The following ESCO2 variants were observed in gnomAD, a reference collection of about 807,000 sequenced individuals.
ESCO2 encodes the protein N-acetyltransferase ESCO2.
Under a neutral mutation model 61.7 loss-of-function variants are expected in ESCO2, and 51 were observed. The ratio of observed to expected loss-of-function variants is 0.83; its 90% CI spans 0.66 to 1.04. The LOEUF (loss-of-function observed/expected upper bound fraction) is 1.04. Among genes scored for constraint, ESCO2 ranks in the 50% least tolerant of loss-of-function variants. The probability of loss-of-function intolerance (pLI) is 0.00; values close to 1 mark genes in which losing one functional copy is unlikely to be tolerated. For synonymous variants in ESCO2, 230 were observed against 238.2 expected (o/e 0.97, Z 0.32); for missense variants, 692 against 686.2 (o/e 1.01, Z -0.09).
At position 27,780,155 on chromosome 8, in the gene ESCO2, T is replaced by A. The variant is rs1804891444; in HGVS notation, c.862-19T>A. The stretch of plus-strand genomic sequence containing the variant: ...TAAAAATTACAGATGTTTGGTTTTT[T>A]TTTTAAACCTATTTTCAGGATTCAT... On this transcript the variant is annotated intron_variant, in intron 3 of 10. Coordinates refer to ENST00000305188, the MANE Select transcript of ESCO2 (RefSeq NM_001017420.3). 6.7e-7 allele frequency: 1 copy of A among 1,486,120 alleles called. No individual in the cohort carries two copies. Among genetic ancestry groups the A allele is most frequent in the African/African-American group, 1.4e-5 (1 of 72,032 alleles). 92.1% of individuals were successfully genotyped at this position (1,486,120 alleles called of 1,614,324 possible). A position where few individuals can be genotyped will look rare whatever the true frequency, so the allele number is the denominator to read the frequency against.
downstream of ESCO2, among the ~76,000 whole-genome samples, chr8:27,808,678 C>T (rs1403542899): frequency 6.3e-5 from 5 of 79,366 alleles, no homozygotes; most frequent in Admixed American, 1.6e-4. Context: ...GAGCAAGACC[C>T]TGTCTCAAAA....
chr8:27,786,271 T>C lies in ESCO2; in HGVS notation c.1014-1614T>C, dbSNP rs114009212. Among the ~76,000 whole-genome samples, 1,404 of 152,298 alleles carry C rather than the reference T, an allele frequency of 9.2e-3. 25 individuals are homozygous for C. The highest frequency in any genetic ancestry group is 0.032 in the African/African-American group (1,339 of 41,552). ...TAAAGAAGGGGTCGGGAGCTCCTGC[T>C]AGTGAGCAAGGGCCCTGAGCTTTTA... is the stretch of plus-strand genomic sequence containing the variant. On this transcript the variant is annotated intron_variant, in intron 5 of 10. Coordinates refer to ENST00000305188, the MANE Select transcript of ESCO2 (RefSeq NM_001017420.3).
intron 3 of ESCO2, chr8:27,777,735 TA>T (rs1023414261): frequency 6.6e-6 from 1 of 152,434 alleles, no homozygotes; most frequent in African/African-American, 2.4e-5. Flanking sequence ...GTGGGGCAGC[TA>T]GGGGCAGAAA....
downstream of ESCO2, chr8:27,808,160 TA>T: frequency 9.8e-7 from 1 of 1,022,508 alleles, no homozygotes. Context: ...TTGTCTAGTT[TA>T]AAATCCTTTC....
At chr8:27,774,999 T>C (rs1200311944) in intron 1 of ESCO2, among the ~76,000 whole-genome samples, 1 of 152,176 alleles carries the variant, frequency 6.6e-6, no homozygotes, top group Non-Finnish European at 1.5e-5. Flanking sequence ...GAAATAACGC[T>C]TGTGTGCTGC....
rs577744103 is a variant in ESCO2 at position 27,776,492 on chromosome 8, A to G, written c.184A>G (p.Thr62Ala). The G allele has an allele frequency of 1.9e-6, 3 of 1,613,508 alleles. No homozygotes were observed. Among genetic ancestry groups the G allele is most frequent in the Non-Finnish European group, 2.5e-6 (3 of 1,179,866 alleles). The part of the protein sequence containing the change: ...QEHFVLSALK[T>A]TEINRLPSAN... ...GCATTTTGTTTTAAGTGCGCTCAAA[A>G]CAACTGAAATAAATAGACTGCCATC... The change falls in exon 3 of 11, where the codon ACA becomes GCA. Residue 62 changes from threonine (T) to alanine (A), a missense_variant. Physicochemically the swap from Thr to Ala is moderately conservative, Grantham distance 58. Coordinates refer to ENST00000305188, the MANE Select transcript of ESCO2 (RefSeq NM_001017420.3).
downstream of ESCO2, among the ~76,000 whole-genome samples, chr8:27,809,190 C>G (rs1379140482): frequency 6.6e-6 from 1 of 152,126 alleles, no homozygotes; most frequent in Non-Finnish European, 1.5e-5. Flanking sequence ...TATTGAGTAT[C>G]AGGATGCAAA....
chr8:27,793,479 G>GTTTTTTTTTT (rs67670087), intron 9 of ESCO2, among the ~76,000 whole-genome samples: 4 of 125,506 alleles, frequency 3.2e-5, no homozygotes, highest in Admixed American at 8.0e-5. Context: ...CTTTTTCTTT[G>GTTTTTTTTTT]TTTTTTTTTT....
downstream of ESCO2, chr8:27,808,114 T>G: frequency 4.2e-6 from 2 of 481,676 alleles, no homozygotes; most frequent in South Asian, 7.5e-5. Context: ...CTGATATATA[T>G]AGCATTTTTT....
chr8:27,772,603 G>A, upstream of ESCO2: 2 of 1,506,590 alleles, frequency 1.3e-6, no homozygotes, highest in South Asian at 1.2e-5. Context: ...CGAAGCTCAG[G>A]ATACCAGACT....
chr8:27,784,188 ATATT>A, intron 5 of ESCO2, 131 bp downstream of exon 5: 1 of 751,274 alleles, frequency 1.3e-6, no homozygotes. Flanking sequence ...TAGGAGAATA[ATATT>A]GAGAATAGGG....
chr8:27,789,843 G>A (rs939627928), intron 7 of ESCO2, among the ~76,000 whole-genome samples: 3 of 151,350 alleles, frequency 2.0e-5, no homozygotes, highest in Non-Finnish European at 4.4e-5. Flanking sequence ...CATACTTCTG[G>A]AAAGAAAAAG....
downstream of ESCO2, among the ~76,000 whole-genome samples, chr8:27,815,827 T>C (rs1036305505): frequency 4.6e-5 from 7 of 152,356 alleles, no homozygotes; most frequent in African/African-American, 1.7e-4. Flanking sequence ...TTAAACATAA[T>C]GGATTGGGCC....
intron 1 of ESCO2, among the ~76,000 whole-genome samples, chr8:27,775,239 G>C (rs555648930): frequency 6.6e-6 from 1 of 152,068 alleles, no homozygotes; most frequent in Non-Finnish European, 1.5e-5. Context: ...AGTTACAGAC[G>C]GTCTCTGCCT....
intron 4 of ESCO2, among the ~76,000 whole-genome samples, chr8:27,780,874 T>A (rs1804910958): frequency 6.6e-6 from 1 of 152,200 alleles, no homozygotes. Context: ...TTTATGATTC[T>A]GAGATATGAT....
At chr8:27,792,899 C>A in intron 9 of ESCO2, 88 bp downstream of exon 9, 1 of 1,320,368 alleles carries the variant, frequency 7.6e-7, no homozygotes, top group Non-Finnish European at 1.0e-6. Context: ...AAGATTGCTA[C>A]CATTAATGAC....
rs1805425623 is a variant in ESCO2, at chr8:27,801,522, T to C, written c.1674-1784T>C. ...TGTTTGATTAGTTATGAAATACTTTTCTATGTTTTATATTAGATATATAAA... is the reference window on the plus strand; with the variant it reads ...TGTTTGATTAGTTATGAAATACTTTCCTATGTTTTATATTAGATATATAAA... On this transcript the variant is annotated intron_variant, in intron 10 of 10. Coordinates refer to ENST00000305188, the MANE Select transcript of ESCO2 (RefSeq NM_001017420.3). Among the ~76,000 whole-genome samples, 6 of 152,208 alleles carry C rather than the reference T, an allele frequency of 3.9e-5. No individual in the cohort carries two copies. The South Asian group carries it at 1.2e-3, about 31-fold the overall frequency.
chr8:27,780,050 A>G (rs1804887858), intron 3 of ESCO2, 124 bp from the exon 4 acceptor site: 2 of 684,122 alleles, frequency 2.9e-6, no homozygotes, highest in Admixed American at 2.7e-5. Flanking sequence ...TGAAAATCAC[A>G]TTATGAAATG....
upstream of ESCO2, chr8:27,772,576 C>G (rs1356170239): frequency 5.8e-6 from 9 of 1,543,972 alleles, no homozygotes; most frequent in African/African-American, 1.4e-5. Context: ...CACCGCGGAG[C>G]AGCAGCGCTC....
Sources: allele counts gnomAD v4.1 joint callset (sites outside exome capture counted in the v4.1 genomes callset), GRCh38; gene constraint gnomAD v4.1.1; transcripts MANE v1.5; gene names NCBI Gene and HGNC (gene_info 2026-07-23, HGNC 2026-07-21).